CERKL: variants seen among roughly 807,000 people sequenced by gnomAD.
CERKL encodes the protein CERK like autophagy regulator.
Under a neutral mutation model 63.4 loss-of-function variants are expected in CERKL, and 61 were observed. The ratio of observed to expected loss-of-function variants is 0.96; its 90% CI spans 0.78 to 1.19. The LOEUF (loss-of-function observed/expected upper bound fraction) is 1.19, where lower values mean the gene tolerates loss of function less well. Among genes scored for constraint, CERKL ranks in the 50% most tolerant of loss-of-function variants. The pLI is 0.00. For synonymous variants in CERKL, 250 were observed against 230.5 expected (o/e 1.08, Z -0.77); for missense variants, 675 against 655.5 (o/e 1.03, Z -0.33).
chr2:181,571,960 A>T (rs1473505273), intron 3 of CERKL, among the ~76,000 whole-genome samples: 1 of 152,180 alleles, frequency 6.6e-6, no homozygotes, highest in Non-Finnish European at 1.5e-5. Flanking sequence ...GATATTAATA[A>T]GAAAGGATGA....
At chr2:181,621,112 T>C (rs1184856450) in intron 1 of CERKL, among the ~76,000 whole-genome samples, 3 of 152,208 alleles carry the variant, frequency 2.0e-5, no homozygotes, top group Non-Finnish European at 2.9e-5. Context: ...TATTTGGTTT[T>C]CATTTTTGCC....
intron 1 of CERKL, among the ~76,000 whole-genome samples, chr2:181,617,025 G>A (rs1686226312): frequency 6.6e-6 from 1 of 152,062 alleles, no homozygotes; most frequent in Non-Finnish European, 1.5e-5. Flanking sequence ...TGCACTAAAG[G>A]TACAAAAGAA....
chr2:181,603,506 C>T (rs1461939121), intron 2 of CERKL, among the ~76,000 whole-genome samples: 1 of 152,076 alleles, frequency 6.6e-6, no homozygotes, highest in Admixed American at 6.5e-5. Flanking sequence ...ACATACTCAA[C>T]AAAATATTAA....
rs1283960293 is a variant in CERKL at position 181,537,552 on chromosome 2, G to A, written c.*632C>T. 5 of 440,408 alleles carry A rather than the reference G, an allele frequency of 1.1e-5. No homozygotes were observed. Among genetic ancestry groups the A allele is most frequent in the Admixed American group, 2.5e-5 (1 of 40,708 alleles). 27.3% of individuals were successfully genotyped at this position (440,408 alleles called of 1,614,324 possible). A position where few individuals can be genotyped will look rare whatever the true frequency, so the allele number is the denominator to read the frequency against. On this transcript the variant is annotated 3_prime_UTR_variant, in exon 13 of 13. Transcript: ENST00000410087. ...AAATTTAACTGCTCTGGATTAGGGA[G>A]CAGTGAATCAAGGCAGACTTATGAA...
At position 181,574,437 on chromosome 2, in the gene CERKL, G is replaced by C. The variant is rs375804021; in HGVS notation, c.482-553C>G. ...TGCTGGGAGTTAAAAAGAGGGTTTC[G>C]GTCAGAGTTCAAGCCTGAAAAGGGG... On this transcript the variant is annotated intron_variant, in intron 2 of 12. Transcript: ENST00000410087. Among the ~76,000 whole-genome samples the C allele has an allele frequency of 9.9e-5, 15 of 152,264 alleles. No homozygotes were observed. The East Asian group carries it at 1.9e-3, about 20-fold the overall frequency.
At chr2:181,547,563 A>G (rs1222411426) in intron 10 of CERKL, 55 bp downstream of exon 10, 8 of 1,411,270 alleles carry the variant, frequency 5.7e-6, no homozygotes, top group African/African-American at 1.4e-5. Context: ...GATACCCTGG[A>G]AAAAAAATGG....
chr2:181,638,586 T>G (rs551667799), intron 1 of CERKL, among the ~76,000 whole-genome samples: 1 of 152,240 alleles, frequency 6.6e-6, no homozygotes, highest in Admixed American at 6.5e-5. Context: ...TTGGTCATGG[T>G]GGATGCTAGG....
intron 2 of CERKL, among the ~76,000 whole-genome samples, chr2:181,575,462 C>G (rs1318086100): frequency 1.3e-5 from 2 of 152,156 alleles, no homozygotes; most frequent in Non-Finnish European, 2.9e-5. Context: ...ACAGACAGCA[C>G]AAAACACAGA....
chr2:181,571,212 G>A (rs1184910809), intron 3 of CERKL, among the ~76,000 whole-genome samples: 1 of 152,132 alleles, frequency 6.6e-6, no homozygotes, highest in East Asian at 1.9e-4. Context: ...TACTAAAATG[G>A]TTTTATAAGC....
At chr2:181,577,274 T>C (rs976902513) in intron 2 of CERKL, among the ~76,000 whole-genome samples, 7 of 151,792 alleles carry the variant, frequency 4.6e-5, no homozygotes, top group African/African-American at 1.7e-4. Context: ...CTTCAGGGAG[T>C]AAAGAAAATG....
At chr2:181,607,647 C>T (rs956815466) in intron 1 of CERKL, among the ~76,000 whole-genome samples, 1 of 152,196 alleles carries the variant, frequency 6.6e-6, no homozygotes, top group African/African-American at 2.4e-5. Flanking sequence ...GTCATTTGCA[C>T]CTGTTGAGCA....
At position 181,602,508 on chromosome 2, in the gene CERKL, C is replaced by T. The variant is rs1662845795; in HGVS notation, c.481+1329G>A. On this transcript the variant is annotated intron_variant, in intron 2 of 12. Transcript: ENST00000410087. ...CCAGAGAGATAAACTAAACTACAGC[C>T]TCTGTGGGTTCTTGTCTTCTTGAAA... is the stretch of plus-strand genomic sequence containing the variant. 2.0e-5 allele frequency among the ~76,000 whole-genome samples: 3 copies of T among 152,164 alleles called. No individual in the cohort carries two copies. The South Asian group carries it at 6.2e-4, about 32-fold the overall frequency.
At position 181,573,884 on chromosome 2, in the gene CERKL, C is replaced by T. The variant is rs1689015222; in HGVS notation, c.482G>A (p.Gly161Asp). Reference protein sequence around the residue: ...WFRQFKKILAGFPNRPKSLKI... With the variant: ...WFRQFKKILADFPNRPKSLKI... Reference sequence around the variant, plus strand: ...TAATGACTTCGGTCTGTTTGGAAAGCCTAAGAAGAAATTTTAAAGACAAAG... The same window carrying T: ...TAATGACTTCGGTCTGTTTGGAAAGTCTAAGAAGAAATTTTAAAGACAAAG... Residue 161 changes from glycine (G) to aspartate (D), a missense_variant and splice_region_variant, in exon 3 of 13, where the codon GGC becomes GAC. Transcript: ENST00000410087. 1 of 1,611,778 alleles carries T rather than the reference C, an allele frequency of 6.2e-7. No homozygotes were observed. The highest frequency in any genetic ancestry group is 1.3e-5 in the African/African-American group (1 of 74,812).
chr2:181,627,238 A>G (rs190677517), intron 1 of CERKL, among the ~76,000 whole-genome samples: 45 of 152,258 alleles, frequency 3.0e-4, no homozygotes, highest in Non-Finnish European at 3.4e-4. Flanking sequence ...CCAAGTTCTT[A>G]TTTTCAATTT....
At chr2:181,544,506 A>G (rs2105796772) in intron 11 of CERKL, among the ~76,000 whole-genome samples, 194 bp downstream of exon 11, 1 of 152,318 alleles carries the variant, frequency 6.6e-6, no homozygotes, top group South Asian at 2.1e-4. Context: ...CATCATTCAA[A>G]AAAGGCCAAT....
At chr2:181,622,785 G>A (rs1291099759) in intron 1 of CERKL, among the ~76,000 whole-genome samples, 1 of 152,110 alleles carries the variant, frequency 6.6e-6, no homozygotes, top group Non-Finnish European at 1.5e-5. Flanking sequence ...GAATATAAAT[G>A]TTAAACAATT....
intron 1 of CERKL, among the ~76,000 whole-genome samples, chr2:181,636,502 T>C (rs888076379): frequency 6.6e-6 from 1 of 151,998 alleles, no homozygotes; most frequent in Admixed American, 6.5e-5. Flanking sequence ...TCTCACCTAA[T>C]GCCCAGCCTT....
chr2:181,607,992 T>C (rs779485740), intron 1 of CERKL, among the ~76,000 whole-genome samples: 10 of 152,164 alleles, frequency 6.6e-5, no homozygotes, highest in Non-Finnish European at 1.5e-4. Context: ...TGAATATCTT[T>C]TCATTTCTTT....
intron 2 of CERKL, among the ~76,000 whole-genome samples, chr2:181,587,425 G>A (rs1232504273): frequency 6.6e-6 from 1 of 152,124 alleles, no homozygotes; most frequent in Non-Finnish European, 1.5e-5. Flanking sequence ...AGAGAACAGC[G>A]AAGAAGAAAA....
Sources: gnomAD v4.1 joint callset for allele counts (sites outside exome capture counted in the v4.1 genomes callset) on GRCh38, gnomAD v4.1.1 for gene constraint, MANE v1.5 for transcripts, NCBI Gene and HGNC (gene_info 2026-07-23, HGNC 2026-07-21) for gene names.